The following ZDBF2 variants were observed in gnomAD, a reference collection of about 807,000 sequenced individuals.
ZDBF2 encodes DBF4-type zinc finger-containing protein 2.
Under a neutral mutation model 9.4 loss-of-function variants are expected in ZDBF2, and 6 were observed. The ratio of observed to expected loss-of-function variants is 0.64; its 90% CI spans 0.35 to 1.27. The LOEUF (loss-of-function observed/expected upper bound fraction) is 1.27. ZDBF2 is among the 50% of genes most tolerant of loss of function. ZDBF2 has a pLI of 0.03. For missense variants in ZDBF2, 2,697 were observed against 2,766.8 expected, an observed-to-expected ratio of 0.97 and a Z score of 0.57; for synonymous variants, 905 against 946.3, an observed-to-expected ratio of 0.96 and a Z score of 0.80.
At position 206,311,390 on chromosome 2, in the gene ZDBF2, A is replaced by T; in HGVS notation, c.6862A>T (p.Asn2288Tyr). ...CGAAGAGCTGTCAAGCGCTATGGCA[A>T]ATCCTCCTCCAAAGCGACCTGTGCG... ...GAEELSSAMA[N>Y]PPPKRPVRAS... Residue 2288 changes from asparagine to tyrosine, a missense_variant, in exon 5 of 5, where the codon AAT becomes TAT. Physicochemically the swap from Asn to Tyr is moderately radical, Grantham distance 143. Transcript: ENST00000374423. 2 of 1,607,310 alleles carry T rather than the reference A, an allele frequency of 1.2e-6. No individual in the cohort carries two copies. The highest frequency in any genetic ancestry group is 1.7e-6 in the Non-Finnish European group (2 of 1,176,938).
chr2:206,310,562 C>G lies in ZDBF2; in HGVS notation c.6034C>G (p.Leu2012Val). 4.3e-6 allele frequency: 7 copies of G among 1,613,128 alleles called. No homozygotes were observed. Among genetic ancestry groups the G allele is most frequent in the Non-Finnish European group, 5.9e-6 (7 of 1,179,494 alleles). The change falls in exon 5 of 5, where the codon CTT becomes GTT. Residue 2012 changes from leucine to valine, a missense_variant. Coordinates refer to ENST00000374423, the MANE Select transcript of ZDBF2 (RefSeq NM_020923.3). ...PMQPKALVCV[L>V]SSLNIKLKEG... ...GCAACCCAAAGCCTTAGTCTGTGTT[C>G]TTTCTTCTTTAAATATTAAACTGAA...
intron 4 of ZDBF2, among the ~76,000 whole-genome samples, chr2:206,302,437 A>G (rs559192627): frequency 6.6e-6 from 1 of 152,348 alleles, no homozygotes; most frequent in South Asian, 2.1e-4. Flanking sequence ...ACACACAAAT[A>G]CAGATGCAGA....
rs768225037 is a variant in ZDBF2 at position 206,306,681 on chromosome 2, C to T, written c.2153C>T (p.Ala718Val). The change falls in exon 5 of 5, where the codon GCT (alanine) becomes GTT (valine). Residue 718 changes from alanine (A) to valine (V), a missense_variant. Physicochemically the swap from Ala to Val is moderately conservative, Grantham distance 64. Around this residue, in one of 3 missense-constraint regions of ZDBF2, gnomAD observed 910 missense variants for 973.6 expected, o/e 0.93. Transcript: ENST00000374423. ...TCTCCGGCTTCTCTTTATCATTCAG[C>T]TCATGATGAGCCTCAAGAAGCTTTG... ...SDSPASLYHS[A>V]HDEPQEALDE... 3.1e-6 allele frequency: 5 copies of T among 1,613,678 alleles called. No homozygotes were observed. The highest frequency in any genetic ancestry group is 1.3e-5 in the African/African-American group (1 of 74,902).
rs1377266001 is a variant in ZDBF2 at position 206,305,758 on chromosome 2, C to T, written c.1230C>T (p.Cys410=). 5 of 1,613,594 alleles carry T rather than the reference C, an allele frequency of 3.1e-6. No homozygotes were observed. The highest frequency in any genetic ancestry group is 4.2e-6 in the Non-Finnish European group (5 of 1,179,808). ...ESRGSEMSFD[C]SSSFHSLTDQ... is the part of the protein sequence containing the mutation. ...GAGGTTCAGAAATGAGTTTTGATTG[C>T]AGTTCCTCTTTTCATTCACTGACTG... The change falls in exon 5 of 5, where the codon TGC becomes TGT. Residue 410 remains cysteine (C), a synonymous_variant. Coordinates refer to ENST00000374423, the MANE Select transcript of ZDBF2 (RefSeq NM_020923.3).
At chr2:206,298,516 T>TTTTTTG (rs1574405011) in intron 4 of ZDBF2, among the ~76,000 whole-genome samples, 2 of 152,204 alleles carry the variant, frequency 1.3e-5, no homozygotes, top group South Asian at 2.1e-4. Flanking sequence ...TTTCCAGGTT[T>TTTTTTG]TTTTTGTTTT....
At chr2:206,299,420 C>T (rs1574406278) in intron 4 of ZDBF2, among the ~76,000 whole-genome samples, 1 of 150,634 alleles carries the variant, frequency 6.6e-6, no homozygotes, top group East Asian at 2.0e-4. Flanking sequence ...CCTGTAATCC[C>T]AGCACTTTGG....
rs1692827145 is a variant in ZDBF2 at position 206,306,822 on chromosome 2, C to G, written c.2294C>G (p.Ser765Cys). ...CCTCTTCTGTCAGTTACTGAGCAGT[C>G]TCATCTGGATGCTGAAGGAAAAGAA... The part of the protein sequence containing the change: ...DPPLLSVTEQ[S>C]HLDAEGKERH... The change falls in exon 5 of 5, where the codon TCT (serine) becomes TGT (cysteine). Residue 765 changes from serine to cysteine, a missense_variant. Coordinates refer to ENST00000374423, the MANE Select transcript of ZDBF2 (RefSeq NM_020923.3). 1 of 1,613,868 alleles carries G rather than the reference C, an allele frequency of 6.2e-7. No individual in the cohort carries two copies. Among genetic ancestry groups the G allele is most frequent in the East Asian group, 2.2e-5 (1 of 44,878 alleles).
At chr2:206,277,746 GCAA>G (rs1691101083) in intron 1 of ZDBF2, among the ~76,000 whole-genome samples, 1 of 135,430 alleles carries the variant, frequency 7.4e-6, no homozygotes, top group Non-Finnish European at 1.6e-5. Context: ...AAAAAAAAAA[GCAA>G]CAGTCCCCAT....
chr2:206,307,129 C>T lies in ZDBF2; in HGVS notation c.2601C>T (p.Pro867=). The T allele has an allele frequency of 6.2e-7, 1 of 1,612,630 alleles. No homozygotes were observed. ...ACTTAGAAAGGAAGAATGATGAACCCAGTGGTTCTGAAATAAGTTCGGATT... is the reference window on the plus strand; with the variant it reads ...ACTTAGAAAGGAAGAATGATGAACCTAGTGGTTCTGAAATAAGTTCGGATT... ...YIHLERKNDE[P]SGSEISSDSH... is the part of the protein sequence containing the mutation. Residue 867 remains proline (P), a synonymous_variant, in exon 5 of 5, where the codon CCC becomes CCT. Coordinates refer to ENST00000374423, the MANE Select transcript of ZDBF2 (RefSeq NM_020923.3).
At chr2:206,288,981 C>T (rs938409549) in intron 3 of ZDBF2, among the ~76,000 whole-genome samples, 4 of 152,084 alleles carry the variant, frequency 2.6e-5, no homozygotes, top group Non-Finnish European at 5.9e-5. Flanking sequence ...AACAGTACAA[C>T]AATGACTCCA....
At chr2:206,283,699 T>A (rs924846736) in intron 3 of ZDBF2, among the ~76,000 whole-genome samples, 1 of 152,172 alleles carries the variant, frequency 6.6e-6, no homozygotes, top group Non-Finnish European at 1.5e-5. Flanking sequence ...GGTCTTGCAT[T>A]ATTGCCCAGG....
At position 206,304,803 on chromosome 2, in the gene ZDBF2, A is replaced by G. The variant is rs1692681484; in HGVS notation, c.275A>G (p.Glu92Gly). The change falls in exon 5 of 5, where the codon GAG becomes GGG. Residue 92 changes from glutamate (E) to glycine (G), a missense_variant. Transcript: ENST00000374423. ...GATGCTTTTTCTGAAGAAGAGGAAG[A>G]GGATGAGGATAAGGTTGAGGATGAG... ...LDDAFSEEEE[E>G]DEDKVEDEDA... 6.2e-7 allele frequency: 1 copy of G among 1,613,620 alleles called. No homozygotes were observed. Among genetic ancestry groups the G allele is most frequent in the Non-Finnish European group, 8.5e-7 (1 of 1,179,768 alleles).
intron 1 of ZDBF2, among the ~76,000 whole-genome samples, chr2:206,275,876 C>T (rs550248603): frequency 6.6e-5 from 10 of 152,120 alleles, no homozygotes; most frequent in Non-Finnish European, 1.3e-4. Flanking sequence ...ACGTGGAAGA[C>T]CTTTTCTCTA....
In ZDBF2 at chr2:206,305,842, A is replaced by AC. The variant is rs1343917015; in HGVS notation, c.1315dup (p.Gln439ProfsTer3). The AC allele has an allele frequency of 1.2e-6, 2 of 1,613,274 alleles. No individual in the cohort carries two copies. The highest frequency in any genetic ancestry group is 1.3e-5 in the African/African-American group (1 of 74,892). ...TTTCCAAGGAAGTACGTACTGATGT[A>AC]CAGTATAAGAATAATAAATCTTATG... On this transcript the variant is annotated frameshift_variant, in exon 5 of 5. Coordinates refer to ENST00000374423, the MANE Select transcript of ZDBF2 (RefSeq NM_020923.3). LOFTEE classifies it low-confidence loss of function (END_TRUNC).
intron 4 of ZDBF2, among the ~76,000 whole-genome samples, chr2:206,301,730 T>C (rs879288277): frequency 2.0e-5 from 3 of 152,092 alleles, no homozygotes; most frequent in Non-Finnish European, 4.4e-5. Flanking sequence ...CTATTTTAGC[T>C]CTCCTGAAAA....
chr2:206,313,554 G>C lies in ZDBF2; in HGVS notation c.*1961G>C, dbSNP rs181660986. 1.2e-3 allele frequency: 181 copies of C among 152,206 alleles called. No individual in the cohort carries two copies. The highest frequency in any genetic ancestry group is 4.1e-3 in the African/African-American group (171 of 41,550). The allele number at this position is 152,206 out of a possible 1,614,324, so 9.4% of individuals were successfully genotyped here. On this transcript the variant is annotated 3_prime_UTR_variant, in exon 5 of 5. Transcript: ENST00000374423. The stretch of plus-strand genomic sequence containing the variant: ...TGGTGTCTTTTTTCCCTATGGAATA[G>C]ACACATAGTTCCCTTAAATATTATT...
chr2:206,303,338 C>A (rs547097750), intron 4 of ZDBF2, among the ~76,000 whole-genome samples: 1 of 151,452 alleles, frequency 6.6e-6, no homozygotes, highest in Admixed American at 6.6e-5. Flanking sequence ...CTTTAAAAGG[C>A]AGCTTAACTT....
At chr2:206,293,468 T>C (rs1478510087) in intron 3 of ZDBF2, among the ~76,000 whole-genome samples, 1 of 151,934 alleles carries the variant, frequency 6.6e-6, no homozygotes, top group Non-Finnish European at 1.5e-5. Context: ...AGTTAAACAA[T>C]GGAAGATGAT....
At chr2:206,292,491 G>T (rs533537776) in intron 3 of ZDBF2, among the ~76,000 whole-genome samples, 1 of 152,128 alleles carries the variant, frequency 6.6e-6, no homozygotes, top group Non-Finnish European at 1.5e-5. Flanking sequence ...TAGGTTTGAT[G>T]CTTGAATTAC....
Sources: gnomAD v4.1 joint callset for allele counts (sites outside exome capture counted in the v4.1 genomes callset) on GRCh38, gnomAD v4.1.1 for gene constraint, gnomAD v4.1.1 regional missense constraint, MANE v1.5 for transcripts, NCBI Gene and HGNC (gene_info 2026-07-23, HGNC 2026-07-21) for gene names.